Variants in SLC24A4 observed in about 807,000 individuals in gnomAD.
SLC24A4 encodes sodium/potassium/calcium exchanger 4.
In SLC24A4, 53 loss-of-function variants were observed where a neutral mutation model predicts 79.0. That is an observed-to-expected ratio of 0.67 (90% CI 0.54 to 0.84). The LOEUF is 0.84. Among genes scored for constraint, SLC24A4 ranks in the 40% least tolerant of loss-of-function variants. SLC24A4 has a pLI of 0.00. For missense variants in SLC24A4, 731 were observed against 822.0 expected (o/e 0.89, Z 1.35); for synonymous variants, 323 against 323.8 (o/e 1.00, Z 0.03).
At chr14:92,349,357 G>A (rs946289112) in intron 2 of SLC24A4, among the ~76,000 whole-genome samples, 5 of 152,060 alleles carry the variant, frequency 3.3e-5, no homozygotes, top group African/African-American at 4.8e-5. Context: ...ACAGGGTTTC[G>A]CCATGTTCAC....
intron 2 of SLC24A4, among the ~76,000 whole-genome samples, chr14:92,330,526 G>T (rs11160056): frequency 0.065 from 9,928 of 152,296 alleles, 404 homozygotes; most frequent in Middle Eastern, 0.13. Flanking sequence ...CATGTATGAT[G>T]TAGGAATGAG....
chr14:92,387,942 A>G (rs1012386245), intron 2 of SLC24A4, among the ~76,000 whole-genome samples: 2 of 152,270 alleles, frequency 1.3e-5, no homozygotes, highest in African/African-American at 4.8e-5. Flanking sequence ...GGATCCATTC[A>G]TCCATCCATG....
intron 2 of SLC24A4, among the ~76,000 whole-genome samples, chr14:92,378,134 CTTT>C (rs766955175): frequency 1.1e-4 from 16 of 150,266 alleles, no homozygotes; most frequent in African/African-American, 2.3e-4. Context: ...ATAGTTCACT[CTTT>C]TCTTTTGCTC....
In SLC24A4 at chr14:92,461,925, A is replaced by G. The variant is rs370244722; in HGVS notation, c.1255+5317A>G. Reference sequence around the variant, plus strand: ...GTCACCCAGCAGCTCTGCAGGTGCAATGAGCCGGGTTTCCACCCCGAGCAC... The same window carrying G: ...GTCACCCAGCAGCTCTGCAGGTGCAGTGAGCCGGGTTTCCACCCCGAGCAC... On this transcript the variant is annotated intron_variant, in intron 12 of 16. Transcript: ENST00000532405. Among the ~76,000 whole-genome samples, 37 of 152,336 alleles carry G rather than the reference A, an allele frequency of 2.4e-4. No homozygotes were observed. The South Asian group carries it at 3.5e-3, about 14-fold the overall frequency.
chr14:92,323,290 C>T lies in SLC24A4; in HGVS notation c.-541C>T, dbSNP rs1884899317. 1 of 152,090 alleles carries T rather than the reference C, an allele frequency of 6.6e-6. No homozygotes were observed. Among genetic ancestry groups the T allele is most frequent in the African/African-American group, 2.4e-5 (1 of 41,444 alleles). The allele number at this position is 152,090 out of a possible 1,614,324, so 9.4% of individuals were successfully genotyped here. On this transcript the variant is annotated 5_prime_UTR_variant, in exon 1 of 17. Coordinates refer to ENST00000532405, the MANE Select transcript of SLC24A4 (RefSeq NM_153646.4). This position sits in a 1 kb window ranked among gnomAD's most constrained non-coding sequence, Gnocchi z 4.9. The stretch of plus-strand genomic sequence containing the variant: ...GGTACCGCGCGTCCAGCCAGCCTTC[C>T]CGCGGCGCGCACTCGGCCGCCCGGG...
At chr14:92,465,582 C>T (rs890973336) in intron 12 of SLC24A4, among the ~76,000 whole-genome samples, 19 of 152,140 alleles carry the variant, frequency 1.2e-4, no homozygotes, top group African/African-American at 2.7e-4. Flanking sequence ...GCTCTGGGCC[C>T]GGCTTCTCCC....
At chr14:92,390,533 A>G (rs1889405992) in intron 2 of SLC24A4, among the ~76,000 whole-genome samples, 1 of 152,142 alleles carries the variant, frequency 6.6e-6, no homozygotes, top group African/African-American at 2.4e-5. Flanking sequence ...TGCTTTCTGA[A>G]ATTTTATTCC....
chr14:92,472,652 A>C (rs766075810), intron 12 of SLC24A4, among the ~76,000 whole-genome samples: 1 of 151,990 alleles, frequency 6.6e-6, no homozygotes, highest in Non-Finnish European at 1.5e-5. Context: ...ATGTGCATAT[A>C]TGTACACACC....
At chr14:92,476,080 G>C (rs1172956606) in intron 12 of SLC24A4, among the ~76,000 whole-genome samples, 1 of 152,210 alleles carries the variant, frequency 6.6e-6, no homozygotes, top group Non-Finnish European at 1.5e-5. Flanking sequence ...ATGCAGTTTG[G>C]TGTCTGGGAA....
chr14:92,410,936 G>A (rs981325550), intron 2 of SLC24A4, among the ~76,000 whole-genome samples: 1 of 152,196 alleles, frequency 6.6e-6, no homozygotes, highest in Non-Finnish European at 1.5e-5. Context: ...CCAAAGACAA[G>A]TTTCTACACC....
At chr14:92,345,469 G>A (rs1389684063) in intron 2 of SLC24A4, among the ~76,000 whole-genome samples, 1 of 152,348 alleles carries the variant, frequency 6.6e-6, no homozygotes, top group South Asian at 2.1e-4. Context: ...GGGAGGCCAA[G>A]GCGGGCGGAT....
chr14:92,371,971 A>G (rs554131116), intron 2 of SLC24A4, among the ~76,000 whole-genome samples: 24 of 54,544 alleles, frequency 4.4e-4, no homozygotes, highest in African/African-American at 7.1e-4. Context: ...TGTGCCATTC[A>G]TCAGACACTT....
chr14:92,322,740 G>T, upstream of SLC24A4: 1 of 152,456 alleles, frequency 6.6e-6, no homozygotes, highest in Non-Finnish European at 1.5e-5. Flanking sequence ...CTGTTTGTTA[G>T]CTCTGCACGA....
Position 92,461,696 on chromosome 14 carries a change from C to T in SLC24A4, c.1255+5088C>T, listed in dbSNP as rs866111916. ...GTTACATTGGGGGTTAGGACTGCAA[C>T]ATATGAATTTGGAGGCGGGTAGGGG... On this transcript the variant is annotated intron_variant, in intron 12 of 16. Coordinates refer to ENST00000532405, the MANE Select transcript of SLC24A4 (RefSeq NM_153646.4). Among the ~76,000 whole-genome samples the T allele has an allele frequency of 1.1e-4, 16 of 152,316 alleles. No individual in the cohort carries two copies. In the South Asian group the frequency reaches 3.1e-3, roughly 30 times the overall value.
intron 2 of SLC24A4, among the ~76,000 whole-genome samples, chr14:92,365,570 C>T (rs1189176095): frequency 6.6e-6 from 1 of 152,204 alleles, no homozygotes; most frequent in African/African-American, 2.4e-5. Context: ...CAGACCCTTC[C>T]CCTCTGTGGG....
At chr14:92,475,910 A>G (rs949894529) in intron 12 of SLC24A4, among the ~76,000 whole-genome samples, 2 of 152,226 alleles carry the variant, frequency 1.3e-5, no homozygotes, top group Non-Finnish European at 2.9e-5. Context: ...GATCTCATCC[A>G]ACAGTTGAAA....
chr14:92,474,665 GTGTA>G (rs150504981), intron 12 of SLC24A4, among the ~76,000 whole-genome samples: 66,958 of 109,684 alleles, frequency 0.61, 16,681 homozygotes, highest in Non-Finnish European at 0.69. Flanking sequence ...TTGTGTGTGT[GTGTA>G]TATATATATA....
chr14:92,343,617 TTTC>T (rs1886307681), intron 2 of SLC24A4, among the ~76,000 whole-genome samples: 1 of 147,578 alleles, frequency 6.8e-6, no homozygotes, highest in African/African-American at 2.5e-5. Context: ...TCTTTCTTTC[TTTC>T]TTTCTTTCTT....
intron 2 of SLC24A4, among the ~76,000 whole-genome samples, chr14:92,423,201 G>A (rs563642608): frequency 1.4e-4 from 22 of 152,090 alleles, no homozygotes; most frequent in Non-Finnish European, 2.9e-4. Flanking sequence ...CTGGAGTGCA[G>A]TGGCACGATC....
Sources: allele counts gnomAD v4.1 joint callset (sites outside exome capture counted in the v4.1 genomes callset), GRCh38; gene constraint gnomAD v4.1.1; non-coding constraint Gnocchi (gnomAD v3.1); transcripts MANE v1.5; gene names NCBI Gene and HGNC (gene_info 2026-07-23, HGNC 2026-07-21).